PLCB1: variants seen among roughly 807,000 people sequenced by gnomAD.
The protein encoded by PLCB1 is phospholipase C beta 1, also known as 1-phosphatidylinositol 4,5-bisphosphate phosphodiesterase beta-1.
A neutral mutation model predicts 161.8 loss-of-function variants in PLCB1; 46 were observed. That is an observed-to-expected ratio of 0.28 (90% CI 0.22 to 0.36). The LOEUF is 0.36. Ranked by LOEUF, PLCB1 falls within the 10% of genes least tolerant of loss-of-function variation. The pLI, the probability that PLCB1 is intolerant of heterozygous loss-of-function variation, is 1.00. For missense variants in PLCB1, 1,016 were observed against 1,472.5 expected (o/e 0.69, Z 5.07); for synonymous variants, 517 against 503.7 (o/e 1.03, Z -0.35).
rs1444722631 is a variant in PLCB1, at chr20:8,685,874, G to A, written c.1009+796G>A. On this transcript the variant is annotated intron_variant, in intron 10 of 31. Transcript: ENST00000338037. ...TAATAAAGTAGGATAAAACATCAAT[G>A]TGTTTCTAATCTGATCTTAAATTAA... 3.3e-5 allele frequency among the ~76,000 whole-genome samples: 5 copies of A among 152,248 alleles called. No homozygotes were observed. In the East Asian group the frequency reaches 9.6e-4, roughly 29 times the overall value.
In PLCB1 at chr20:8,697,786, A is replaced by G; in HGVS notation, c.1167+3A>G. 6.2e-7 allele frequency: 1 copy of G among 1,614,016 alleles called. No homozygotes were observed. The highest frequency in any genetic ancestry group is 8.5e-7 in the Non-Finnish European group (1 of 1,179,896). ...TGACAACTGAAATATCTTTCAAGGT[A>G]GAGTATATGAATGTTACTAAGAGAG... On this transcript the variant is annotated splice_donor_region_variant and intron_variant, in intron 11 of 31. Coordinates refer to ENST00000338037, the MANE Select transcript of PLCB1 (RefSeq NM_015192.4).
chr20:8,560,478 T>C (rs1986107035), intron 3 of PLCB1, among the ~76,000 whole-genome samples: 1 of 151,964 alleles, frequency 6.6e-6, no homozygotes, highest in Admixed American at 6.6e-5. Flanking sequence ...AATACTGATG[T>C]CTAGAAAGCA....
At chr20:8,366,658 A>T (rs1421877084) in intron 2 of PLCB1, among the ~76,000 whole-genome samples, 1 of 152,196 alleles carries the variant, frequency 6.6e-6, no homozygotes, top group Non-Finnish European at 1.5e-5. Flanking sequence ...ACAAAAAGAG[A>T]GGGCATATCC....
chr20:8,158,446 C>T (rs1232993428), intron 2 of PLCB1, among the ~76,000 whole-genome samples: 11 of 152,072 alleles, frequency 7.2e-5, no homozygotes, highest in Non-Finnish European at 1.2e-4. Context: ...CCACAACATA[C>T]GGGAAATCAA....
At position 8,540,626 on chromosome 20, in the gene PLCB1, T is replaced by C. The variant is rs1032532491; in HGVS notation, c.247-87668T>C. Among the ~76,000 whole-genome samples the C allele has an allele frequency of 3.3e-5, 5 of 150,336 alleles. No homozygotes were observed. In the East Asian group the frequency reaches 7.2e-4, roughly 22 times the overall value. ...CTCCCATCTTTCAAATTACTCCACATGTCTAAGTTTTCCTTTAAAATGTTT... is the reference window on the plus strand; with the variant it reads ...CTCCCATCTTTCAAATTACTCCACACGTCTAAGTTTTCCTTTAAAATGTTT... On this transcript the variant is annotated intron_variant, in intron 3 of 31. Transcript: ENST00000338037.
At chr20:8,443,586 C>G (rs1980667835) in intron 3 of PLCB1, among the ~76,000 whole-genome samples, 1 of 152,302 alleles carries the variant, frequency 6.6e-6, no homozygotes, top group South Asian at 2.1e-4. Context: ...ACTCCTTACC[C>G]CAGAAAGCTG....
At chr20:8,401,230 C>T (rs746436682) in intron 3 of PLCB1, among the ~76,000 whole-genome samples, 8 of 152,032 alleles carry the variant, frequency 5.3e-5, no homozygotes, top group East Asian at 1.9e-4. Flanking sequence ...CTCACTGTTT[C>T]GTAAGATATT....
chr20:8,522,987 G>T (rs1984411818), intron 3 of PLCB1, among the ~76,000 whole-genome samples: 1 of 152,118 alleles, frequency 6.6e-6, no homozygotes, highest in Non-Finnish European at 1.5e-5. Flanking sequence ...GTAATGTGCT[G>T]GTTAAGCTAT....
rs369188885 is a variant in PLCB1, at chr20:8,881,358, T to TGTGTGTGTGTGTGTGTGTGC, written c.3424-263_3424-262insTGTGTGTGTGTGTGTGTGCG. On this transcript the variant is annotated intron_variant, in intron 31 of 31. Transcript: ENST00000338037. ...GTGTGTGTGTGTGTGTGTGTGTGTG[T>TGTGTGTGTGTGTGTGTGTGC]GCATTTGTAGATACCGCTATTCATC... Among the ~76,000 whole-genome samples, 200 of 150,616 alleles carry TGTGTGTGTGTGTGTGTGTGC rather than the reference T, an allele frequency of 1.3e-3. 1 individual carries two copies. Among genetic ancestry groups the TGTGTGTGTGTGTGTGTGTGC allele is most frequent in the Non-Finnish European group, 1.9e-3 (128 of 67,606 alleles).
chr20:8,491,569 C>A (rs1020040916), intron 3 of PLCB1, among the ~76,000 whole-genome samples: 3 of 152,082 alleles, frequency 2.0e-5, no homozygotes, highest in Non-Finnish European at 2.9e-5. Flanking sequence ...ATTGTTACCC[C>A]GAAATCTTGA....
At chr20:8,864,199 G>A (rs1987348983) in intron 31 of PLCB1, among the ~76,000 whole-genome samples, 1 of 152,198 alleles carries the variant, frequency 6.6e-6, no homozygotes, top group East Asian at 1.9e-4. Flanking sequence ...ATGAAGTTAA[G>A]TGGCAGTCGC....
intron 2 of PLCB1, among the ~76,000 whole-genome samples, chr20:8,280,335 CAAAAA>C (rs771888171): frequency 1.3e-5 from 1 of 79,106 alleles, no homozygotes; most frequent in Non-Finnish European, 2.7e-5. Flanking sequence ...AACTCTGTCT[CAAAAA>C]AAAAAAAAAA....
chr20:8,698,453 A>G (rs768147957), intron 11 of PLCB1, among the ~76,000 whole-genome samples: 1 of 152,098 alleles, frequency 6.6e-6, no homozygotes, highest in Non-Finnish European at 1.5e-5. Context: ...ATAACTCTAG[A>G]TTTGTTGGCT....
chr20:8,587,917 G>A (rs1317000698), intron 3 of PLCB1, among the ~76,000 whole-genome samples: 1 of 152,146 alleles, frequency 6.6e-6, no homozygotes, highest in African/African-American at 2.4e-5. Flanking sequence ...TGACTTACCA[G>A]GCCACTTCCA....
At chr20:8,798,573 TACACAC>T (rs10565621) in intron 31 of PLCB1, among the ~76,000 whole-genome samples, 7 of 150,932 alleles carry the variant, frequency 4.6e-5, no homozygotes, top group Admixed American at 2.0e-4. Context: ...CATACACACA[TACACAC>T]ACACACACAC....
At chr20:8,150,477 C>T (rs1267558218) in intron 2 of PLCB1, 106 bp downstream of exon 2, 2 of 508,584 alleles carry the variant, frequency 3.9e-6, no homozygotes, top group Non-Finnish European at 7.1e-6. Flanking sequence ...AGATCTTTTG[C>T]AGTTTATTTA....
At chr20:8,189,264 G>T (rs2051939794) in intron 2 of PLCB1, among the ~76,000 whole-genome samples, 1 of 150,946 alleles carries the variant, frequency 6.6e-6, no homozygotes, top group South Asian at 2.1e-4. Context: ...GAGAGTTGGG[G>T]GATGGGTAAC....
intron 3 of PLCB1, among the ~76,000 whole-genome samples, chr20:8,542,926 C>T (rs1262457104): frequency 6.6e-6 from 1 of 152,208 alleles, no homozygotes; most frequent in Non-Finnish European, 1.5e-5. Flanking sequence ...ATTCATTTGG[C>T]CACAGACTAT....
chr20:8,723,794 C>T (rs1044731885), intron 15 of PLCB1, among the ~76,000 whole-genome samples: 4 of 151,892 alleles, frequency 2.6e-5, no homozygotes, highest in South Asian at 2.1e-4. Context: ...CTCTAGAACG[C>T]GAGCCATTAA....
Sources: gnomAD v4.1 joint callset for allele counts (sites outside exome capture counted in the v4.1 genomes callset) on GRCh38, gnomAD v4.1.1 for gene constraint, MANE v1.5 for transcripts, NCBI Gene and HGNC (gene_info 2026-07-23, HGNC 2026-07-21) for gene names.